ATP9B: variants seen among roughly 807,000 people sequenced by gnomAD.
ATP9B encodes the protein probable phospholipid-transporting ATPase IIB.
Under a neutral mutation model 146.1 loss-of-function variants are expected in ATP9B, and 110 were observed. That is an observed-to-expected ratio of 0.75 (90% CI 0.65 to 0.88). ATP9B has a LOEUF of 0.88. Ranked by LOEUF, ATP9B falls within the 40% of genes least tolerant of loss-of-function variation. The pLI, the probability that ATP9B is intolerant of heterozygous loss-of-function variation, is 0.00. For synonymous variants in ATP9B, 604 were observed against 569.7 expected (o/e 1.06, Z -0.86); for missense variants, 1,499 against 1,496.4 (o/e 1.00, Z -0.03).
intron 5 of ATP9B, among the ~76,000 whole-genome samples, chr18:79,139,429 C>T (rs751572796): frequency 4.6e-5 from 7 of 152,198 alleles, no homozygotes; most frequent in Admixed American, 3.9e-4. Context: ...CCTTGTGCTG[C>T]GGTGGCACGT....
rs1214662222 is a variant in ATP9B, at chr18:79,253,442, C to T, written c.1169C>T (p.Ala390Val). ...LTKALFLALV[A>V]LSIVMVTLQG... ...AAAGCGCTATTTTTGGCTTTAGTTG[C>T]TCTTTCCATTGTTATGGTAACCTTA... Residue 390 changes from alanine to valine, a missense_variant, in exon 12 of 30, where the codon GCT (alanine) becomes GTT (valine). By Grantham distance (64) the Ala-to-Val change is moderately conservative. Transcript: ENST00000426216. The T allele has an allele frequency of 2.9e-5, 46 of 1,613,476 alleles. No individual in the cohort carries two copies. The highest frequency in any genetic ancestry group is 3.9e-5 in the Non-Finnish European group (46 of 1,179,876).
chr18:79,206,980 AT>A lies in ATP9B; in HGVS notation c.999del (p.Asn333LysfsTer14), dbSNP rs776882241. On this transcript the variant is annotated frameshift_variant, in exon 10 of 30. Coordinates refer to ENST00000426216, the MANE Select transcript of ATP9B (RefSeq NM_198531.5). LOFTEE classifies it high-confidence loss of function. ...PPIHESLSIE[N>X]TLWASTIVAS... ...ATTCATGAAAGTCTCAGCATAGAAA[AT>A]ACATTGTGGGCAAGCACCATTGTTG... 9.0e-5 allele frequency: 146 copies of A among 1,614,034 alleles called. No homozygotes were observed. Among genetic ancestry groups the A allele is most frequent in the Non-Finnish European group, 1.2e-4 (143 of 1,179,990 alleles).
chr18:79,069,785 C>G (rs2071498981), intron 1 of ATP9B, among the ~76,000 whole-genome samples: 2 of 152,218 alleles, frequency 1.3e-5, no homozygotes, highest in African/African-American at 2.4e-5. Flanking sequence ...AGAACGGGAG[C>G]AGAGAACCGC....
chr18:79,132,190 CT>C (rs2094388131), intron 5 of ATP9B, among the ~76,000 whole-genome samples: 1 of 152,192 alleles, frequency 6.6e-6, no homozygotes, highest in African/African-American at 2.4e-5. Flanking sequence ...GATACTTGAA[CT>C]TCAGGTACTT....
At chr18:79,236,748 G>A (rs2095844821) in intron 11 of ATP9B, among the ~76,000 whole-genome samples, 1 of 146,320 alleles carries the variant, frequency 6.8e-6, no homozygotes, top group Admixed American at 6.8e-5. Context: ...CTTCCCCACT[G>A]TGTGCACGGT....
chr18:79,104,402 T>C (rs2075514186), intron 2 of ATP9B, among the ~76,000 whole-genome samples: 1 of 152,134 alleles, frequency 6.6e-6, no homozygotes, highest in South Asian at 2.1e-4. Context: ...TCACAGACCC[T>C]GTGTGTTGTG....
chr18:79,347,530 T>C (rs7239401), intron 23 of ATP9B, among the ~76,000 whole-genome samples: 63,720 of 152,070 alleles, frequency 0.42, 13,706 homozygotes, highest in Middle Eastern at 0.55. Context: ...ACACCTATGG[T>C]CTGTCAGAGC....
chr18:79,260,960 C>G (rs555841665), intron 12 of ATP9B, among the ~76,000 whole-genome samples: 31 of 152,316 alleles, frequency 2.0e-4, no homozygotes, highest in African/African-American at 7.2e-4. Context: ...TGTCCCACCA[C>G]TGTATTTTGG....
chr18:79,305,886 C>A (rs752509027), intron 14 of ATP9B, among the ~76,000 whole-genome samples: 2 of 152,162 alleles, frequency 1.3e-5, no homozygotes, highest in Admixed American at 6.5e-5. Flanking sequence ...TCTTTTATAA[C>A]CTGATTGTAT....
intron 1 of ATP9B, among the ~76,000 whole-genome samples, chr18:79,079,211 G>A (rs900661732): frequency 2.6e-5 from 4 of 152,138 alleles, no homozygotes; most frequent in Non-Finnish European, 5.9e-5. Context: ...GGTATTTCTG[G>A]TTCTAGATCC....
intron 13 of ATP9B, among the ~76,000 whole-genome samples, chr18:79,295,716 A>T (rs971427742): frequency 6.6e-6 from 1 of 152,230 alleles, no homozygotes; most frequent in Non-Finnish European, 1.5e-5. Flanking sequence ...TGAGTCCCAG[A>T]TGATGGCATA....
chr18:79,171,418 A>G (rs2095068572), intron 7 of ATP9B, among the ~76,000 whole-genome samples: 1 of 152,232 alleles, frequency 6.6e-6, no homozygotes, highest in Admixed American at 6.5e-5. Flanking sequence ...TTAGCAACCT[A>G]AATTGAGAGC....
At chr18:79,252,853 C>T (rs969383487) in intron 11 of ATP9B, among the ~76,000 whole-genome samples, 1 of 144,958 alleles carries the variant, frequency 6.9e-6, no homozygotes, top group Non-Finnish European at 1.5e-5. Flanking sequence ...GCTGGTAGAT[C>T]GGAAAGACAT....
intron 12 of ATP9B, among the ~76,000 whole-genome samples, chr18:79,262,333 G>A (rs1341702568): frequency 6.6e-6 from 1 of 151,932 alleles, no homozygotes; most frequent in Non-Finnish European, 1.5e-5. Context: ...TAGTTACTGA[G>A]CATGGCTAAT....
intron 26 of ATP9B, chr18:79,360,123 T>A (rs2096978965): frequency 6.5e-6 from 1 of 153,584 alleles, no homozygotes. Context: ...TCATATTCTT[T>A]ACGACAGCAT....
chr18:79,367,549 C>T (rs1407687649), intron 26 of ATP9B, among the ~76,000 whole-genome samples: 1 of 151,340 alleles, frequency 6.6e-6, no homozygotes, highest in East Asian at 1.9e-4. Flanking sequence ...TCTTCACCTC[C>T]ACCATGTGTA....
chr18:79,225,862 G>A (rs900349267), intron 11 of ATP9B, among the ~76,000 whole-genome samples: 4 of 108,180 alleles, frequency 3.7e-5, no homozygotes, highest in Admixed American at 1.9e-4. Flanking sequence ...GTCGCAGGGC[G>A]GCCACTGTCT....
intron 11 of ATP9B, among the ~76,000 whole-genome samples, chr18:79,214,356 A>ATT (rs1394277026): frequency 6.6e-6 from 1 of 152,132 alleles, no homozygotes; most frequent in Non-Finnish European, 1.5e-5. Context: ...TTATTTTACA[A>ATT]TTTGCACTCT....
At chr18:79,243,973 C>T (rs945640905) in intron 11 of ATP9B, among the ~76,000 whole-genome samples, 17 of 152,164 alleles carry the variant, frequency 1.1e-4, no homozygotes, top group African/African-American at 4.1e-4. Context: ...ACTGTAGAAA[C>T]TAATCTGTAT....
Sources: allele counts gnomAD v4.1 joint callset (sites outside exome capture counted in the v4.1 genomes callset), GRCh38; gene constraint gnomAD v4.1.1; transcripts MANE v1.5; gene names NCBI Gene and HGNC (gene_info 2026-07-23, HGNC 2026-07-21).